Variants in SHROOM3 observed in about 807,000 individuals in gnomAD.
SHROOM3 encodes the protein protein Shroom3.
Under a neutral mutation model 138.6 loss-of-function variants are expected in SHROOM3, and 47 were observed. The observed-to-expected ratio is 0.34, with a 90% CI of 0.27 to 0.43. The LOEUF is 0.43. SHROOM3 is among the 20% of genes least tolerant of loss of function. The pLI is 1.00. For missense variants in SHROOM3, 2,491 were observed against 2,596.5 expected, an observed-to-expected ratio of 0.96 and a Z score of 0.88; for synonymous variants, 1,062 against 1,063.3, an observed-to-expected ratio of 1.00 and a Z score of 0.02.
At chr4:76,728,561 G>A (rs1051291239) in intron 3 of SHROOM3, among the ~76,000 whole-genome samples, 45 of 152,170 alleles carry the variant, frequency 3.0e-4, no homozygotes, top group African/African-American at 1.0e-3. Flanking sequence ...TATCAGCAGC[G>A]TGAGAATGAA....
intron 2 of SHROOM3, among the ~76,000 whole-genome samples, chr4:76,595,864 A>G (rs1386461243): frequency 3.9e-5 from 6 of 152,240 alleles, no homozygotes; most frequent in Non-Finnish European, 5.9e-5. Flanking sequence ...TAAGCCAGGC[A>G]AATCAGAGTG....
chr4:76,580,567 C>G (rs1324507527), intron 2 of SHROOM3, among the ~76,000 whole-genome samples: 1 of 149,056 alleles, frequency 6.7e-6, no homozygotes, highest in Non-Finnish European at 1.5e-5. Context: ...GCTGGGAATA[C>G]AGGCATGCGC....
intron 1 of SHROOM3, among the ~76,000 whole-genome samples, chr4:76,486,798 T>C (rs966318687): frequency 6.6e-6 from 1 of 152,140 alleles, no homozygotes; most frequent in Non-Finnish European, 1.5e-5. Flanking sequence ...GAAGTATCCC[T>C]TGTGAAGGAC....
At chr4:76,615,536 C>T (rs1368119715) in intron 2 of SHROOM3, among the ~76,000 whole-genome samples, 3 of 152,184 alleles carry the variant, frequency 2.0e-5, no homozygotes, top group Non-Finnish European at 4.4e-5. Context: ...TATCATCCTG[C>T]TCTTAATGAC....
chr4:76,641,254 G>A (rs754632959), intron 2 of SHROOM3, among the ~76,000 whole-genome samples: 1 of 152,156 alleles, frequency 6.6e-6, no homozygotes, highest in Non-Finnish European at 1.5e-5. Flanking sequence ...GGATGGACAG[G>A]AAGGATGCCT....
At chr4:76,698,194 A>G (rs1013532814) in intron 2 of SHROOM3, among the ~76,000 whole-genome samples, 1 of 152,210 alleles carries the variant, frequency 6.6e-6, no homozygotes, top group African/African-American at 2.4e-5. Flanking sequence ...TTTAAATAGC[A>G]TGGAATGTCT....
At chr4:76,529,237 G>T (rs1409980506) in intron 1 of SHROOM3, among the ~76,000 whole-genome samples, 1 of 152,160 alleles carries the variant, frequency 6.6e-6, no homozygotes, top group Non-Finnish European at 1.5e-5. Context: ...TCTCTGGCTG[G>T]ACCTGCCCTG....
intron 2 of SHROOM3, among the ~76,000 whole-genome samples, chr4:76,651,665 G>C (rs2110088739): frequency 6.6e-6 from 1 of 152,054 alleles, no homozygotes; most frequent in African/African-American, 2.4e-5. Context: ...CTAAAAGCCA[G>C]CTAGTGCTGC....
At chr4:76,553,577 A>C (rs1733413999) in intron 1 of SHROOM3, among the ~76,000 whole-genome samples, 1 of 151,646 alleles carries the variant, frequency 6.6e-6, no homozygotes, top group African/African-American at 2.4e-5. Context: ...CACGAGGCCC[A>C]CCTCGTGGTT....
intron 1 of SHROOM3, among the ~76,000 whole-genome samples, chr4:76,478,602 T>A (rs757751138): frequency 1.3e-5 from 2 of 152,168 alleles, no homozygotes; most frequent in Non-Finnish European, 2.9e-5. Context: ...GAGCAGCAGA[T>A]CTCCCAGCAC....
Position 76,688,954 on chromosome 4 carries a change from A to T in SHROOM3, c.324-21202A>T, listed in dbSNP as rs551180037. ...AAAAAGGATGGTTATTTTCCTTGTA[A>T]TGCGAGCTTTTTTTTTTTTTTTTTA... On this transcript the variant is annotated intron_variant, in intron 2 of 10. Transcript: ENST00000296043. 31 of 921,474 alleles carry T rather than the reference A, an allele frequency of 3.4e-5. No individual in the cohort carries two copies. The African/African-American group carries it at 5.2e-4, about 16-fold the overall frequency. 57.1% of individuals were successfully genotyped at this position (921,474 alleles called of 1,614,324 possible).
chr4:76,477,697 T>C (rs1002647424), intron 1 of SHROOM3, among the ~76,000 whole-genome samples: 1 of 152,166 alleles, frequency 6.6e-6, no homozygotes, highest in Non-Finnish European at 1.5e-5. Context: ...GATGGCCGAA[T>C]AGGAACAGCT....
rs746077039 is a variant in SHROOM3 at position 76,754,827 on chromosome 4, C to T, written c.4344C>T (p.Ala1448=). 7 of 1,614,144 alleles carry T rather than the reference C, an allele frequency of 4.3e-6. No individual in the cohort carries two copies. In the Admixed American group the frequency reaches 5.0e-5, roughly 12 times the overall value. ...ACAGCCTTCCTGAGGAATCCTCAGC[C>T]CCTGATTTTGCAAACCTGAAGCACT... ...REDSLPEESS[A]PDFANLKHYQ... The change falls in exon 7 of 11, where the codon GCC becomes GCT. Residue 1448 remains alanine, a synonymous_variant. Coordinates refer to ENST00000296043, the MANE Select transcript of SHROOM3 (RefSeq NM_020859.4).
At chr4:76,453,295 A>G (rs1579163492) in intron 1 of SHROOM3, among the ~76,000 whole-genome samples, 1 of 138,054 alleles carries the variant, frequency 7.2e-6, no homozygotes, top group East Asian at 2.1e-4. Flanking sequence ...TTTTTTTTTT[A>G]AGAGACAGGG....
chr4:76,439,949 G>A (rs2109962963), intron 1 of SHROOM3, among the ~76,000 whole-genome samples: 1 of 152,250 alleles, frequency 6.6e-6, no homozygotes. Context: ...AAAAAGAAAG[G>A]GTAACTTTTA....
At chr4:76,443,747 G>A (rs1730746149) in intron 1 of SHROOM3, among the ~76,000 whole-genome samples, 1 of 152,176 alleles carries the variant, frequency 6.6e-6, no homozygotes, top group Non-Finnish European at 1.5e-5. Context: ...TTGTAGAATG[G>A]AAGTGATTCT....
rs976291939 is a variant in SHROOM3, at chr4:76,772,292, C to T, written c.5622+1394C>T. On this transcript the variant is annotated intron_variant, in intron 10 of 10. Transcript: ENST00000296043. ...CTAATTTTTGTATTTTTAGTAGAGA[C>T]GGGGTTTTACCATATTGGCCAGGCT... is the stretch of plus-strand genomic sequence containing the variant. Among the ~76,000 whole-genome samples, 13 of 151,630 alleles carry T rather than the reference C, an allele frequency of 8.6e-5. No individual in the cohort carries two copies. In the East Asian group the frequency reaches 1.2e-3, roughly 14 times the overall value.
intron 1 of SHROOM3, among the ~76,000 whole-genome samples, chr4:76,464,212 C>T (rs1731202782): frequency 6.6e-6 from 1 of 152,228 alleles, no homozygotes; most frequent in African/African-American, 2.4e-5. Context: ...GAGTTCACCT[C>T]TTGCATCAGC....
At chr4:76,525,896 C>T (rs547617001) in intron 1 of SHROOM3, among the ~76,000 whole-genome samples, 10 of 152,156 alleles carry the variant, frequency 6.6e-5, no homozygotes, top group Non-Finnish European at 1.3e-4. Flanking sequence ...CATCTCTTTC[C>T]CAGCCATTAC....
Sources: gnomAD v4.1 joint callset for allele counts (sites outside exome capture counted in the v4.1 genomes callset) on GRCh38, gnomAD v4.1.1 for gene constraint, MANE v1.5 for transcripts, NCBI Gene and HGNC (gene_info 2026-07-23, HGNC 2026-07-21) for gene names.